The following HTR1F variants were observed in gnomAD, a reference collection of about 807,000 sequenced individuals.
The protein encoded by HTR1F is 5-hydroxytryptamine (serotonin) receptor 1F, G protein-coupled.
A neutral mutation model predicts 24.0 loss-of-function variants in HTR1F; 17 were observed. The ratio of observed to expected loss-of-function variants is 0.71; its 90% CI spans 0.48 to 1.06. The LOEUF (loss-of-function observed/expected upper bound fraction) is 1.06. Among genes scored for constraint, HTR1F ranks in the 50% least tolerant of loss-of-function variants. The probability of loss-of-function intolerance (pLI) is 0.00; values close to 1 mark genes in which losing one functional copy is unlikely to be tolerated. For synonymous variants in HTR1F, 186 were observed against 156.8 expected, an observed-to-expected ratio of 1.19 and a Z score of -1.39; for missense variants, 391 against 427.8, an observed-to-expected ratio of 0.91 and a Z score of 0.76.
chr3:87,971,241 T>C (rs1469526603), intron 2 of HTR1F, among the ~76,000 whole-genome samples: 4 of 152,156 alleles, frequency 2.6e-5, no homozygotes, highest in African/African-American at 9.7e-5. Context: ...TCAATAAATT[T>C]GATTGGTTCG....
At chr3:87,974,241 T>C (rs1466079695) in intron 2 of HTR1F, among the ~76,000 whole-genome samples, 2 of 152,348 alleles carry the variant, frequency 1.3e-5, no homozygotes, top group East Asian at 3.9e-4. Context: ...AACAACTATA[T>C]TATTCATCAT....
chr3:87,881,496 G>T (rs1279719447), intron 2 of HTR1F, among the ~76,000 whole-genome samples: 1 of 152,110 alleles, frequency 6.6e-6, no homozygotes, highest in Admixed American at 6.6e-5. Flanking sequence ...CCACCTCTGG[G>T]GGCAGGGAAT....
intron 2 of HTR1F, among the ~76,000 whole-genome samples, chr3:87,938,019 T>C (rs992842919): frequency 1.3e-5 from 2 of 151,922 alleles, no homozygotes; most frequent in African/African-American, 4.8e-5. Context: ...GCAGATGACA[T>C]GATTCTATAT....
chr3:87,928,404 A>G (rs1376811084), intron 2 of HTR1F, among the ~76,000 whole-genome samples: 1 of 152,174 alleles, frequency 6.6e-6, no homozygotes, highest in East Asian at 1.9e-4. Flanking sequence ...TGAACATTTT[A>G]TTTGGACAGC....
At chr3:87,984,772 T>C (rs1377577774) in intron 2 of HTR1F, among the ~76,000 whole-genome samples, 2 of 152,214 alleles carry the variant, frequency 1.3e-5, no homozygotes, top group African/African-American at 4.8e-5. Flanking sequence ...GAGGTATTTT[T>C]ATAACTCTCA....
chr3:87,915,573 G>A (rs1214241405), intron 2 of HTR1F, among the ~76,000 whole-genome samples: 5 of 151,992 alleles, frequency 3.3e-5, no homozygotes, highest in East Asian at 1.9e-4. Context: ...CTGGAAAATC[G>A]GAAGACCAAT....
At chr3:87,807,105 A>G (rs1704086273) in intron 1 of HTR1F, among the ~76,000 whole-genome samples, 2 of 151,852 alleles carry the variant, frequency 1.3e-5, no homozygotes, top group African/African-American at 4.8e-5. Flanking sequence ...TGCTTTGGCT[A>G]TTTGGGCTCT....
chr3:87,864,429 C>G (rs1177755586), intron 2 of HTR1F, among the ~76,000 whole-genome samples: 1 of 152,172 alleles, frequency 6.6e-6, no homozygotes. Context: ...ACATAGAATT[C>G]AGGGCCCTAC....
At chr3:87,867,963 A>G (rs1705464830) in intron 2 of HTR1F, among the ~76,000 whole-genome samples, 1 of 152,154 alleles carries the variant, frequency 6.6e-6, no homozygotes, top group African/African-American at 2.4e-5. Flanking sequence ...AGCACTAAGT[A>G]AACAGAAATG....
intron 1 of HTR1F, among the ~76,000 whole-genome samples, chr3:87,819,964 C>T (rs1271402477): frequency 6.6e-6 from 1 of 151,938 alleles, no homozygotes; most frequent in Non-Finnish European, 1.5e-5. Flanking sequence ...TATTACAATG[C>T]TATATATAAG....
chr3:87,961,826 T>G (rs1353288628), intron 2 of HTR1F, among the ~76,000 whole-genome samples: 6 of 148,998 alleles, frequency 4.0e-5, no homozygotes, highest in African/African-American at 7.3e-5. Flanking sequence ...GAATAAAAGG[T>G]TTACAGAAAT....
intron 2 of HTR1F, among the ~76,000 whole-genome samples, chr3:87,937,083 C>CA (rs35169317): frequency 0.029 from 3,328 of 113,850 alleles, 134 homozygotes; most frequent in African/African-American, 0.073. Flanking sequence ...TGAAACTACC[C>CA]AAAAAAAAAA....
chr3:87,838,337 G>C (rs946684641), intron 2 of HTR1F, among the ~76,000 whole-genome samples: 1 of 152,000 alleles, frequency 6.6e-6, no homozygotes, highest in African/African-American at 2.4e-5. Flanking sequence ...ACCCTTGCCA[G>C]CTACTCCAGG....
At chr3:87,812,441 GA>G (rs56033600) in intron 1 of HTR1F, among the ~76,000 whole-genome samples, 150,826 of 152,280 alleles carry the variant, frequency 0.99, 74,695 homozygotes, top group East Asian at 1. Context: ...CTGCCCTAGG[GA>G]ATCTGTGGAA....
At chr3:87,944,035 C>T (rs1045791461) in intron 2 of HTR1F, among the ~76,000 whole-genome samples, 6 of 152,146 alleles carry the variant, frequency 3.9e-5, no homozygotes, top group African/African-American at 1.2e-4. Flanking sequence ...TTCCAGGGTG[C>T]GTAACCACCC....
At chr3:87,793,982 A>AAG (rs1553658563) in intron 1 of HTR1F, among the ~76,000 whole-genome samples, 1,645 of 149,178 alleles carry the variant, frequency 0.011, 19 homozygotes, top group African/African-American at 0.031. Context: ...AAAAAAAAAA[A>AAG]AGAGAGAGAG....
intron 2 of HTR1F, among the ~76,000 whole-genome samples, chr3:87,839,205 T>A (rs531389378): frequency 2.6e-5 from 4 of 152,070 alleles, no homozygotes; most frequent in African/African-American, 9.6e-5. Flanking sequence ...ACAATTTAGG[T>A]TTTATGTTTA....
intron 2 of HTR1F, among the ~76,000 whole-genome samples, chr3:87,924,015 G>A (rs1264601039): frequency 2.0e-5 from 3 of 152,064 alleles, no homozygotes; most frequent in South Asian, 4.1e-4. Flanking sequence ...TGTAGAATCA[G>A]TTTGGAAGCA....
intron 2 of HTR1F, among the ~76,000 whole-genome samples, chr3:87,944,146 G>T (rs1294324140): frequency 1.3e-5 from 2 of 152,134 alleles, no homozygotes; most frequent in Non-Finnish European, 2.9e-5. Context: ...CTGGGCTGCT[G>T]GATTCTAGTG....
Sources: allele counts gnomAD v4.1 joint callset (sites outside exome capture counted in the v4.1 genomes callset), GRCh38; gene constraint gnomAD v4.1.1; transcripts MANE v1.5; gene names NCBI Gene and HGNC (gene_info 2026-07-23, HGNC 2026-07-21).